DNAJC24: variants seen among roughly 807,000 people sequenced by gnomAD.
DNAJC24 encodes DnaJ heat shock protein family (Hsp40) member C24.
DNAJC24 carries 17 observed loss-of-function variants against 18.0 expected under a neutral mutation model. The ratio of observed to expected loss-of-function variants is 0.94; its 90% confidence interval spans 0.65 to 1.42. DNAJC24 has a LOEUF of 1.42. Ranked by LOEUF, DNAJC24 falls within the 40% of genes most tolerant of loss-of-function variation. The pLI is 0.00. For synonymous variants in DNAJC24, 55 were observed against 57.7 expected (o/e 0.95, Z 0.21); for missense variants, 158 against 175.6 (o/e 0.90, Z 0.57).
At position 31,431,462 on chromosome 11, in the gene DNAJC24, T is replaced by A. The variant is rs917873839; in HGVS notation, c.*1061T>A. ...CACCATGCCTGGCCAGAAGCTTTTT[T>A]AAAAATAATGACTTGGAAGTTGGTG... On this transcript the variant is annotated 3_prime_UTR_variant, in exon 5 of 5. Transcript: ENST00000465995. The A allele has an allele frequency of 6.6e-6, 1 of 151,374 alleles. No homozygotes were observed. The highest frequency in any genetic ancestry group is 2.4e-5 in the African/African-American group (1 of 41,242). The allele number at this position is 151,374 out of a possible 1,614,324, so 9.4% of individuals were successfully genotyped here.
At chr11:31,397,895 T>C (rs993954678) in intron 2 of DNAJC24, among the ~76,000 whole-genome samples, 5 of 151,872 alleles carry the variant, frequency 3.3e-5, no homozygotes, top group Admixed American at 1.3e-4. Flanking sequence ...CTCTGCCTCC[T>C]GGGTTCAAGT....
At chr11:31,422,934 T>G in intron 3 of DNAJC24, among the ~76,000 whole-genome samples, 1 of 152,102 alleles carries the variant, frequency 6.6e-6, no homozygotes, top group Non-Finnish European at 1.5e-5. Context: ...CTGCCCACAT[T>G]TAGATTCACC....
chr11:31,429,752 AG>A (rs945544825), intron 4 of DNAJC24: 1 of 165,260 alleles, frequency 6.1e-6, no homozygotes, highest in African/African-American at 2.4e-5. Flanking sequence ...TATAGACTTA[AG>A]TCAAGATTCT....
At chr11:31,379,249 T>C (rs557618963) in intron 2 of DNAJC24, among the ~76,000 whole-genome samples, 4 of 152,304 alleles carry the variant, frequency 2.6e-5, no homozygotes, top group African/African-American at 9.6e-5. Context: ...CTCTGCATCC[T>C]GTCAGATCCA....
chr11:31,395,152 A>G (rs1406971135), intron 2 of DNAJC24, among the ~76,000 whole-genome samples: 1 of 152,140 alleles, frequency 6.6e-6, no homozygotes, highest in Non-Finnish European at 1.5e-5. Flanking sequence ...CTGTTCTTGT[A>G]TTAGTGCACT....
At chr11:31,371,448 A>G (rs4922860) in intron 2 of DNAJC24, among the ~76,000 whole-genome samples, 43,885 of 152,124 alleles carry the variant, frequency 0.29, 7,100 homozygotes, top group Non-Finnish European at 0.35. Flanking sequence ...TTTCATATCT[A>G]GCATTTCTAC....
chr11:31,430,593 T>C lies in DNAJC24; in HGVS notation c.*192T>C, dbSNP rs1952913010. ...ATTATTTATTTGTATTTATAATTTA[T>C]ATTTACAAGTTGTCACAAAAATAGA... On this transcript the variant is annotated 3_prime_UTR_variant, in exon 5 of 5. Transcript: ENST00000465995. The C allele has an allele frequency of 1.4e-5, 4 of 283,228 alleles. No homozygotes were observed. The highest frequency in any genetic ancestry group is 2.5e-5 in the Non-Finnish European group (4 of 161,036). The allele number at this position is 283,228 out of a possible 1,614,324, so 17.5% of individuals were successfully genotyped here.
At chr11:31,400,950 A>C (rs940280731) in intron 2 of DNAJC24, among the ~76,000 whole-genome samples, 2 of 152,220 alleles carry the variant, frequency 1.3e-5, no homozygotes, top group African/African-American at 4.8e-5. Flanking sequence ...CAACCTACAG[A>C]ATGGGAGAAA....
At chr11:31,388,139 A>G (rs557888859) in intron 2 of DNAJC24, among the ~76,000 whole-genome samples, 11 of 152,292 alleles carry the variant, frequency 7.2e-5, no homozygotes, top group Admixed American at 3.9e-4. Flanking sequence ...CAGTAGGGCA[A>G]ATCTAAGAGT....
rs190897695 is a variant in DNAJC24, at chr11:31,430,269, A to G, written c.320-2A>G. Reference sequence around the variant, plus strand: ...GAAAGATTATTTTGTTTTCTTTTGCAGGTGATCACTCTTTTTATCTGAGTT... The same window carrying G: ...GAAAGATTATTTTGTTTTCTTTTGCGGGTGATCACTCTTTTTATCTGAGTT... On this transcript the variant is annotated splice_acceptor_variant, in intron 4 of 4. Coordinates refer to ENST00000465995, the MANE Select transcript of DNAJC24 (RefSeq NM_181706.5). LOFTEE classifies it high-confidence loss of function. The G allele has an allele frequency of 1.0e-5, 16 of 1,601,828 alleles. No individual in the cohort carries two copies. Among genetic ancestry groups the G allele is most frequent in the Admixed American group, 5.1e-5 (3 of 59,282 alleles).
At chr11:31,404,209 A>G (rs546511701) in intron 2 of DNAJC24, among the ~76,000 whole-genome samples, 7 of 152,050 alleles carry the variant, frequency 4.6e-5, no homozygotes, top group South Asian at 2.1e-4. Context: ...TCAACCTCCT[A>G]TCTCATCCTG....
intron 3 of DNAJC24, among the ~76,000 whole-genome samples, chr11:31,419,339 G>T (rs951065916): frequency 3.3e-5 from 5 of 152,006 alleles, no homozygotes; most frequent in African/African-American, 1.2e-4. Context: ...CATCTTGACA[G>T]TTGGGGACTG....
chr11:31,393,015 T>G (rs577169683), intron 2 of DNAJC24, among the ~76,000 whole-genome samples: 63 of 152,270 alleles, frequency 4.1e-4, no homozygotes, highest in African/African-American at 1.5e-3. Flanking sequence ...CACCAGACAA[T>G]AAATCTGCTA....
chr11:31,405,119 CA>C (rs1273236506), intron 2 of DNAJC24, among the ~76,000 whole-genome samples: 5 of 146,192 alleles, frequency 3.4e-5, no homozygotes, highest in Non-Finnish European at 7.5e-5. Flanking sequence ...GTTGCTCAGG[CA>C]GTGCAGTGGT....
Position 31,370,767 on chromosome 11 carries a change from A to C in DNAJC24, c.19A>C (p.Met7Leu). 1 of 1,610,006 alleles carries C rather than the reference A, an allele frequency of 6.2e-7. No individual in the cohort carries two copies. Among genetic ancestry groups the C allele is most frequent in the South Asian group, 1.1e-5 (1 of 89,768 alleles). ...TCCATGGATGATGGCGGTTGAGCAG[A>C]TGCCAAAAAAGGATTGGTACAGCAT... MMAVEQ[M>L]PKKDWYSILG... Residue 7 changes from methionine to leucine, a missense_variant, in exon 2 of 5, where the codon ATG becomes CTG. Coordinates refer to ENST00000465995, the MANE Select transcript of DNAJC24 (RefSeq NM_181706.5).
intron 2 of DNAJC24, among the ~76,000 whole-genome samples, chr11:31,376,322 A>G (rs755643232): frequency 2.0e-5 from 3 of 152,224 alleles, no homozygotes; most frequent in Admixed American, 6.5e-5. Context: ...TTAATACACC[A>G]TCTCATAGCA....
At position 31,403,208 on chromosome 11, in the gene DNAJC24, G is replaced by A. The variant is rs577586734; in HGVS notation, c.112-11603G>A. Among the ~76,000 whole-genome samples the A allele has an allele frequency of 2.6e-5, 4 of 151,838 alleles. No individual in the cohort carries two copies. In the East Asian group the frequency reaches 7.8e-4, roughly 30 times the overall value. ...AATGTTGGGGAATGCTCTTCTAGTT[G>A]TGTTACTGAACTGAACTTGGGTCTG... On this transcript the variant is annotated intron_variant, in intron 2 of 4. Transcript: ENST00000465995.
intron 2 of DNAJC24, among the ~76,000 whole-genome samples, chr11:31,391,418 A>C (rs1276596565): frequency 6.6e-6 from 1 of 152,214 alleles, no homozygotes; most frequent in Non-Finnish European, 1.5e-5. Flanking sequence ...CAATAGGGAA[A>C]AAATGTGATT....
chr11:31,426,697 G>GT (rs933698271), intron 4 of DNAJC24: 476 of 159,436 alleles, frequency 3.0e-3, no homozygotes, highest in East Asian at 5.7e-3. Flanking sequence ...AAACAAGATA[G>GT]TTTTTTTTTT....
Sources: allele counts gnomAD v4.1 joint callset (sites outside exome capture counted in the v4.1 genomes callset), GRCh38; gene constraint gnomAD v4.1.1; transcripts MANE v1.5; gene names NCBI Gene and HGNC (gene_info 2026-07-23, HGNC 2026-07-21).